Variants in TXNRD1 observed in about 807,000 individuals in gnomAD.
The protein encoded by TXNRD1 is thioredoxin reductase 1.
In TXNRD1, 57 loss-of-function variants were observed where a neutral mutation model predicts 80.3. The ratio of observed to expected loss-of-function variants is 0.71; its 90% CI spans 0.57 to 0.89. The LOEUF (loss-of-function observed/expected upper bound fraction) is 0.89. Among genes scored for constraint, TXNRD1 ranks in the 40% least tolerant of loss-of-function variants. The pLI is 0.00. For missense variants in TXNRD1, 730 were observed against 803.0 expected, an observed-to-expected ratio of 0.91 and a Z score of 1.10; for synonymous variants, 291 against 285.2, an observed-to-expected ratio of 1.02 and a Z score of -0.20.
intron 1 of TXNRD1, among the ~76,000 whole-genome samples, chr12:104,218,113 C>T (rs554674022): frequency 5.7e-4 from 87 of 152,014 alleles, no homozygotes; most frequent in Non-Finnish European, 9.9e-4. Context: ...CCACAATCTC[C>T]GCCTCCTGGG....
intron 1 of TXNRD1, among the ~76,000 whole-genome samples, chr12:104,245,970 A>G (rs1211774458): frequency 6.6e-6 from 1 of 151,186 alleles, no homozygotes; most frequent in Non-Finnish European, 1.5e-5. Context: ...AAAATTAGCC[A>G]GGCGTGGTGG....
intron 1 of TXNRD1, among the ~76,000 whole-genome samples, chr12:104,223,235 G>A (rs1181008814): frequency 6.6e-6 from 1 of 152,168 alleles, no homozygotes; most frequent in Admixed American, 6.6e-5. Context: ...TCTCAAGTAT[G>A]TGCATTTAAA....
At chr12:104,326,663 G>A (rs905502352) in intron 12 of TXNRD1, among the ~76,000 whole-genome samples, 34 of 151,796 alleles carry the variant, frequency 2.2e-4, no homozygotes, top group African/African-American at 7.5e-4. Context: ...ATGGGGTTTC[G>A]CCATGTTGGT....
chr12:104,265,771 C>T, intron 3 of TXNRD1: 1 of 1,578,718 alleles, frequency 6.3e-7, no homozygotes, highest in South Asian at 1.1e-5. Flanking sequence ...GTTCCCGCTG[C>T]CCCACCGGGT....
intron 1 of TXNRD1, among the ~76,000 whole-genome samples, chr12:104,219,780 C>T (rs928649933): frequency 6.6e-6 from 1 of 150,948 alleles, no homozygotes; most frequent in African/African-American, 2.5e-5. Context: ...TGGCAAAAGG[C>T]AATTTTTTTT....
intron 1 of TXNRD1, among the ~76,000 whole-genome samples, chr12:104,230,065 T>TAAC (rs1347527120): frequency 2.0e-5 from 3 of 151,568 alleles, no homozygotes; most frequent in Admixed American, 2.0e-4. Context: ...AACTATATGT[T>TAAC]TAACATTTTT....
intron 4 of TXNRD1, among the ~76,000 whole-genome samples, chr12:104,302,433 C>G (rs978925278): frequency 6.9e-6 from 1 of 144,714 alleles, no homozygotes; most frequent in East Asian, 2.0e-4. Context: ...GCTGTTGATG[C>G]TCATGGGTTG....
rs960834740 is a variant in TXNRD1 at position 104,349,307 on chromosome 12, A to C, written c.*886A>C. ...GCAATGGAAAACACGTAACTTGTTT[A>C]AAAGTTTTTCTGGTAGCTTTAGCTT... On this transcript the variant is annotated 3_prime_UTR_variant, in exon 17 of 17. Transcript: ENST00000525566. 1.3e-5 allele frequency: 2 copies of C among 152,324 alleles called. No individual in the cohort carries two copies. Among genetic ancestry groups the C allele is most frequent in the African/African-American group, 2.4e-5 (1 of 41,466 alleles). The allele number at this position is 152,324 out of a possible 1,614,324, so 9.4% of individuals were successfully genotyped here.
rs1173997390 is a variant in TXNRD1 at position 104,266,883 on chromosome 12, A to AC, written c.304+8807dup. On this transcript the variant is annotated intron_variant, in intron 3 of 16. Coordinates refer to ENST00000525566, the MANE Select transcript of TXNRD1 (RefSeq NM_001093771.3). ...AGGTTGAGGCAGGAGAATGGTGTGAACCCGGGAGGCGGAGCTTGCAATAAG... is the reference window on the plus strand; with the variant it reads ...AGGTTGAGGCAGGAGAATGGTGTGAACCCCGGGAGGCGGAGCTTGCAATAAG... 5.9e-5 allele frequency among the ~76,000 whole-genome samples: 9 copies of AC among 152,032 alleles called. No individual in the cohort carries two copies. In the East Asian group the frequency reaches 1.7e-3, roughly 29 times the overall value.
chr12:104,327,310 C>G (rs1252634482), intron 12 of TXNRD1, among the ~76,000 whole-genome samples: 3 of 151,968 alleles, frequency 2.0e-5, no homozygotes, highest in African/African-American at 7.3e-5. Context: ...TTTCTTATTT[C>G]TTTGATTTTC....
chr12:104,247,523 CTT>C (rs1246244078), intron 1 of TXNRD1, among the ~76,000 whole-genome samples: 3 of 152,028 alleles, frequency 2.0e-5, no homozygotes, highest in Non-Finnish European at 4.4e-5. Flanking sequence ...TTTTATTTTC[CTT>C]TTTTGTTAGA....
At chr12:104,279,050 A>G (rs1478880530) in intron 3 of TXNRD1, among the ~76,000 whole-genome samples, 1 of 152,238 alleles carries the variant, frequency 6.6e-6, no homozygotes, top group Non-Finnish European at 1.5e-5. Flanking sequence ...CCCTGCTCAC[A>G]TGTGGCTATG....
intron 9 of TXNRD1, 43 bp downstream of exon 9, chr12:104,319,628 A>G (rs918682092): frequency 5.7e-6 from 8 of 1,413,872 alleles, no homozygotes; most frequent in Non-Finnish European, 7.8e-6. Context: ...CCCATTGTGG[A>G]TATTGCTTTC....
At chr12:104,322,528 G>C (rs1039139439) in intron 10 of TXNRD1, among the ~76,000 whole-genome samples, 1 of 151,688 alleles carries the variant, frequency 6.6e-6, no homozygotes, top group Non-Finnish European at 1.5e-5. Flanking sequence ...CCACAGGTGC[G>C]TGCCACCACA....
At chr12:104,345,082 A>G (rs926840253) in intron 16 of TXNRD1, among the ~76,000 whole-genome samples, 1 of 152,220 alleles carries the variant, frequency 6.6e-6, no homozygotes, top group Non-Finnish European at 1.5e-5. Flanking sequence ...ATTAGTCCAT[A>G]ATGATAGAAG....
At chr12:104,231,992 G>T (rs933201283) in intron 1 of TXNRD1, among the ~76,000 whole-genome samples, 1 of 152,120 alleles carries the variant, frequency 6.6e-6, no homozygotes, top group Non-Finnish European at 1.5e-5. Flanking sequence ...CTTATTTTTG[G>T]TAAAAACAAA....
intron 3 of TXNRD1, among the ~76,000 whole-genome samples, chr12:104,277,794 G>A (rs1039363192): frequency 6.6e-6 from 1 of 151,284 alleles, no homozygotes; most frequent in South Asian, 2.1e-4. Flanking sequence ...TTAATTGTAA[G>A]ACAAACAATG....
intron 3 of TXNRD1, among the ~76,000 whole-genome samples, chr12:104,267,966 C>T (rs1298438060): frequency 6.6e-6 from 1 of 151,466 alleles, no homozygotes; most frequent in Non-Finnish European, 1.5e-5. Flanking sequence ...TCTCCTGCCT[C>T]AGCCTCCTGA....
intron 16 of TXNRD1, among the ~76,000 whole-genome samples, chr12:104,339,597 C>T (rs1375650573): frequency 1.3e-5 from 2 of 152,172 alleles, no homozygotes; most frequent in Non-Finnish European, 2.9e-5. Flanking sequence ...AGTTATTCCA[C>T]AGCTATCTTG....
Sources: gnomAD v4.1 joint callset for allele counts (sites outside exome capture counted in the v4.1 genomes callset) on GRCh38, gnomAD v4.1.1 for gene constraint, MANE v1.5 for transcripts, NCBI Gene and HGNC (gene_info 2026-07-23, HGNC 2026-07-21) for gene names.